Variants in EPHB1 observed in about 807,000 individuals in gnomAD.
EPHB1 encodes the protein ephrin type-B receptor 1.
EPHB1 carries 30 observed loss-of-function variants against 94.4 expected under a neutral mutation model. The ratio of observed to expected loss-of-function variants is 0.32; its 90% CI spans 0.24 to 0.43. EPHB1 has a LOEUF of 0.43. Ranked by LOEUF, EPHB1 falls within the 20% of genes least tolerant of loss-of-function variation. EPHB1 has a pLI of 1.00. For synonymous variants in EPHB1, 522 were observed against 489.1 expected, an observed-to-expected ratio of 1.07 and a Z score of -0.89; for missense variants, 1,055 against 1,308.3, an observed-to-expected ratio of 0.81 and a Z score of 2.99.
chr3:134,978,495 C>T (rs182399755), intron 3 of EPHB1, among the ~76,000 whole-genome samples: 7 of 152,256 alleles, frequency 4.6e-5, no homozygotes, highest in East Asian at 1.9e-4. Context: ...TCTGGCCACT[C>T]GGTGCTAAGG....
intron 3 of EPHB1, among the ~76,000 whole-genome samples, chr3:134,953,242 A>G (rs9856814): frequency 0.55 from 83,728 of 152,102 alleles, 24,640 homozygotes; most frequent in African/African-American, 0.75. Flanking sequence ...AGTGCCAAGC[A>G]GGCTTGTTAG....
chr3:135,009,729 A>G (rs977356902), intron 3 of EPHB1, among the ~76,000 whole-genome samples: 22 of 152,204 alleles, frequency 1.4e-4, no homozygotes, highest in African/African-American at 4.8e-4. Flanking sequence ...TTATCACCCA[A>G]TTTGCCTTCT....
chr3:135,121,852 C>G (rs936359414), intron 4 of EPHB1, among the ~76,000 whole-genome samples: 11 of 151,598 alleles, frequency 7.3e-5, no homozygotes, highest in African/African-American at 2.7e-4. Flanking sequence ...CCCTGTTTCC[C>G]TTCTAGAAAG....
At chr3:135,166,832 G>A (rs1941664525) in intron 8 of EPHB1, 110 bp from the exon 9 acceptor site, 2 of 1,133,984 alleles carry the variant, frequency 1.8e-6, no homozygotes, top group African/African-American at 1.5e-5. Context: ...CCCTAATCCT[G>A]GGAGATGCCC....
intron 12 of EPHB1, among the ~76,000 whole-genome samples, chr3:135,235,467 G>T (rs1166328030): frequency 1.3e-5 from 2 of 152,138 alleles, no homozygotes; most frequent in Non-Finnish European, 2.9e-5. Flanking sequence ...ATTCAAATTT[G>T]AGAACCACTT....
intron 5 of EPHB1, among the ~76,000 whole-genome samples, chr3:135,149,293 T>C (rs1345306964): frequency 6.6e-6 from 1 of 152,244 alleles, no homozygotes; most frequent in Non-Finnish European, 1.5e-5. Context: ...AAAACCTTTA[T>C]GTGTGTTTGC....
intron 3 of EPHB1, among the ~76,000 whole-genome samples, chr3:135,009,275 C>T (rs1935536237): frequency 6.6e-6 from 1 of 152,148 alleles, no homozygotes; most frequent in Admixed American, 6.5e-5. Context: ...ATGAGGAGGA[C>T]AGGGCCTGGG....
intron 9 of EPHB1, among the ~76,000 whole-genome samples, chr3:135,175,799 A>G (rs952218066): frequency 2.6e-5 from 4 of 152,202 alleles, no homozygotes; most frequent in African/African-American, 4.8e-5. Flanking sequence ...ATATTTCCCC[A>G]ACACTCACAA....
At chr3:135,175,337 C>T (rs1159866153) in intron 9 of EPHB1, among the ~76,000 whole-genome samples, 1 of 152,184 alleles carries the variant, frequency 6.6e-6, no homozygotes, top group Admixed American at 6.5e-5. Context: ...TTCCATGCAA[C>T]AAGGTTCTGG....
chr3:134,991,108 C>A (rs1242375561), intron 3 of EPHB1, among the ~76,000 whole-genome samples: 4 of 152,122 alleles, frequency 2.6e-5, no homozygotes, highest in African/African-American at 9.7e-5. Context: ...ATTTGCCCTG[C>A]CGTTTCTTTT....
Position 135,166,803 on chromosome 3 carries a change from G to A in EPHB1, c.1695-139G>A, listed in dbSNP as rs192601100. 3.3e-5 allele frequency: 26 copies of A among 784,674 alleles called. 1 individual carries two copies. The highest frequency in any genetic ancestry group is 3.1e-4 in the Admixed American group (13 of 41,270). The allele number at this position is 784,674 out of a possible 1,614,324, so 48.6% of individuals were successfully genotyped here. ...GAGCTCTAACTGCAGCAGGAGGGCT[G>A]AAGTGAGAGTTGCCCAGTCCCTAAT... On this transcript the variant is annotated intron_variant, in intron 8 of 15. Coordinates refer to ENST00000398015, the MANE Select transcript of EPHB1 (RefSeq NM_004441.5).
chr3:135,008,457 T>G (rs542547062), intron 3 of EPHB1, among the ~76,000 whole-genome samples: 7 of 141,718 alleles, frequency 4.9e-5, no homozygotes, highest in Admixed American at 1.4e-4. Context: ...TTTCACTCTA[T>G]GGCCTTGAAA....
At chr3:135,180,022 C>G (rs756864871) in intron 10 of EPHB1, 40 bp downstream of exon 10, 2 of 1,611,162 alleles carry the variant, frequency 1.2e-6, no homozygotes, top group Non-Finnish European at 1.7e-6. Context: ...CTCCTGGTGT[C>G]CAAACATCTT....
intron 12 of EPHB1, 71 bp downstream of exon 12, chr3:135,201,760 T>C: frequency 4.2e-6 from 6 of 1,443,952 alleles, no homozygotes; most frequent in Non-Finnish European, 5.8e-6. Context: ...GGCTGGGAAC[T>C]GTGACAGGGC....
chr3:135,192,845 G>C (rs770429725), intron 11 of EPHB1, 22 bp downstream of exon 11: 1 of 1,607,480 alleles, frequency 6.2e-7, no homozygotes, highest in East Asian at 2.2e-5. Context: ...TCAGGGGTTT[G>C]ATGATGCACT....
chr3:134,876,261 C>T (rs1355364310), intron 1 of EPHB1, among the ~76,000 whole-genome samples: 1 of 152,178 alleles, frequency 6.6e-6, no homozygotes, highest in Non-Finnish European at 1.5e-5. Flanking sequence ...CTGGCCTCCC[C>T]ATCTTTACCT....
chr3:135,101,619 T>G (rs972631520), intron 3 of EPHB1, among the ~76,000 whole-genome samples: 1 of 152,014 alleles, frequency 6.6e-6, no homozygotes, highest in Non-Finnish European at 1.5e-5. Context: ...TGATCTCAGG[T>G]GATCCACCCG....
chr3:135,082,852 A>G (rs1225335982), intron 3 of EPHB1, among the ~76,000 whole-genome samples: 1 of 152,356 alleles, frequency 6.6e-6, no homozygotes, highest in African/African-American at 2.4e-5. Flanking sequence ...TGATTCATAG[A>G]GTACTGGGGG....
chr3:134,965,270 T>C (rs1224222539), intron 3 of EPHB1, among the ~76,000 whole-genome samples: 1 of 152,230 alleles, frequency 6.6e-6, no homozygotes, highest in Non-Finnish European at 1.5e-5. Context: ...TAAGAACCAG[T>C]AGCCAAAGCT....
Sources: allele counts gnomAD v4.1 joint callset (sites outside exome capture counted in the v4.1 genomes callset), GRCh38; gene constraint gnomAD v4.1.1; transcripts MANE v1.5; gene names NCBI Gene and HGNC (gene_info 2026-07-23, HGNC 2026-07-21).